The following PPP3R1 variants were observed in gnomAD, a reference collection of about 807,000 sequenced individuals.
PPP3R1 encodes the protein calcineurin subunit B type 1.
Under a neutral mutation model 22.6 loss-of-function variants are expected in PPP3R1, and 5 were observed. That is an observed-to-expected ratio of 0.22 (90% CI 0.12 to 0.46). PPP3R1 has a LOEUF of 0.46. Ranked by LOEUF, PPP3R1 falls within the 20% of genes least tolerant of loss-of-function variation. The pLI is 0.99. For synonymous variants in PPP3R1, 56 were observed against 65.2 expected (o/e 0.86, Z 0.68); for missense variants, 61 against 203.2 (o/e 0.30, Z 4.25).
chr2:68,188,084 T>G (rs1041122640), intron 3 of PPP3R1, among the ~76,000 whole-genome samples: 1 of 152,092 alleles, frequency 6.6e-6, no homozygotes, highest in Non-Finnish European at 1.5e-5. Context: ...ACAGGAGAAT[T>G]GCTTGAACTC....
intron 2 of PPP3R1, among the ~76,000 whole-genome samples, chr2:68,216,136 T>C (rs1386332350): frequency 6.6e-6 from 1 of 152,036 alleles, no homozygotes; most frequent in Non-Finnish European, 1.5e-5. Flanking sequence ...CATTAACGGG[T>C]ACCATCAAAT....
chr2:68,184,447 C>T (rs1291953711), intron 5 of PPP3R1, among the ~76,000 whole-genome samples: 1 of 152,120 alleles, frequency 6.6e-6, no homozygotes, highest in Non-Finnish European at 1.5e-5. Context: ...GAGTACATAA[C>T]CCTTTCTAAT....
At chr2:68,192,330 G>A (rs1297424085) in intron 2 of PPP3R1, among the ~76,000 whole-genome samples, 1 of 152,130 alleles carries the variant, frequency 6.6e-6, no homozygotes, top group Non-Finnish European at 1.5e-5. Context: ...TCACAAAGGT[G>A]ATCTATTGTG....
intron 1 of PPP3R1, among the ~76,000 whole-genome samples, chr2:68,222,744 TATA>T (rs1372924461): frequency 6.6e-6 from 1 of 152,164 alleles, no homozygotes; most frequent in Non-Finnish European, 1.5e-5. Context: ...GGCAATATCA[TATA>T]ATAAATCTCT....
At chr2:68,216,247 A>G (rs1280350897) in intron 2 of PPP3R1, among the ~76,000 whole-genome samples, 1 of 152,134 alleles carries the variant, frequency 6.6e-6, no homozygotes, top group African/African-American at 2.4e-5. Flanking sequence ...ATTAATTCTA[A>G]ATTAACATCC....
chr2:68,191,882 C>A (rs187027143), intron 2 of PPP3R1, among the ~76,000 whole-genome samples: 18 of 152,222 alleles, frequency 1.2e-4, no homozygotes, highest in Middle Eastern at 3.4e-3. Flanking sequence ...TAAAATGACA[C>A]ACCCTTACTC....
At chr2:68,219,619 GC>G (rs1417408712) in intron 1 of PPP3R1, among the ~76,000 whole-genome samples, 1 of 152,092 alleles carries the variant, frequency 6.6e-6, no homozygotes, top group Non-Finnish European at 1.5e-5. Flanking sequence ...GGAAAAAATA[GC>G]ATTTCTGAAG....
At chr2:68,211,350 T>C (rs899544075) in intron 2 of PPP3R1, among the ~76,000 whole-genome samples, 1 of 130,708 alleles carries the variant, frequency 7.7e-6, no homozygotes, top group Non-Finnish European at 1.5e-5. Context: ...GAGCTTGCAG[T>C]GAGCCAAGAT....
intron 1 of PPP3R1, among the ~76,000 whole-genome samples, chr2:68,236,586 A>G (rs530737985): frequency 1.8e-4 from 28 of 152,188 alleles, no homozygotes; most frequent in Admixed American, 4.6e-4. Context: ...ATGAGGGGAT[A>G]GCTATGTACT....
At chr2:68,200,718 A>G (rs972999884) in intron 2 of PPP3R1, among the ~76,000 whole-genome samples, 4 of 152,150 alleles carry the variant, frequency 2.6e-5, no homozygotes, top group Non-Finnish European at 5.9e-5. Flanking sequence ...CATCATTTCT[A>G]TTCCCCCAAC....
At chr2:68,204,337 T>TATATATATATATTCAG (rs1675063073) in intron 2 of PPP3R1, among the ~76,000 whole-genome samples, 1 of 39,624 alleles carries the variant, frequency 2.5e-5, no homozygotes, top group Non-Finnish European at 4.4e-5. Flanking sequence ...ACACACACAC[T>TATATATATATATTCAG]ATATATATAT....
At position 68,196,297 on chromosome 2, in the gene PPP3R1, C is replaced by A. The variant is rs139268719; in HGVS notation, c.44-7607G>T. On this transcript the variant is annotated intron_variant, in intron 2 of 5. Transcript: ENST00000234310. ...TAAATGGCTGTATTTTCATGTGACC[C>A]CAATGAGAAGTAAAATCCACCAGGG... is the stretch of plus-strand genomic sequence containing the variant. Among the ~76,000 whole-genome samples the A allele has an allele frequency of 2.8e-3, 416 of 149,242 alleles. 2 individuals are homozygous for A. Among genetic ancestry groups the A allele is most frequent in the African/African-American group, 6.5e-3 (262 of 40,224 alleles).
chr2:68,211,337 G>A (rs1049131360), intron 2 of PPP3R1, among the ~76,000 whole-genome samples: 9 of 143,012 alleles, frequency 6.3e-5, no homozygotes, highest in Non-Finnish European at 1.2e-4. Flanking sequence ...AACCTGGGAG[G>A]CGGAGCTTGC....
intron 1 of PPP3R1, among the ~76,000 whole-genome samples, chr2:68,241,401 T>C (rs746827735): frequency 6.3e-4 from 96 of 152,332 alleles, no homozygotes; most frequent in Middle Eastern, 6.8e-3. Flanking sequence ...ATTTAAGGTG[T>C]TGTTATTCCC....
At chr2:68,241,379 G>A (rs1027265957) in intron 1 of PPP3R1, among the ~76,000 whole-genome samples, 5 of 152,118 alleles carry the variant, frequency 3.3e-5, no homozygotes, top group African/African-American at 1.2e-4. Flanking sequence ...AAGGCCAACT[G>A]TATATGTCAC....
At chr2:68,212,558 CTA>C (rs1471173319) in intron 2 of PPP3R1, among the ~76,000 whole-genome samples, 1 of 152,228 alleles carries the variant, frequency 6.6e-6, no homozygotes, top group African/African-American at 2.4e-5. Context: ...ACGTTACTCT[CTA>C]TGTACATTTC....
intron 2 of PPP3R1, among the ~76,000 whole-genome samples, chr2:68,202,614 G>A (rs556808167): frequency 2.0e-5 from 3 of 150,126 alleles, no homozygotes; most frequent in African/African-American, 7.4e-5. Flanking sequence ...TAGTAGAGAC[G>A]AGGTTTCACC....
intron 2 of PPP3R1, among the ~76,000 whole-genome samples, chr2:68,201,409 C>CT (rs1229057914): frequency 2.6e-5 from 4 of 152,078 alleles, no homozygotes; most frequent in African/African-American, 7.2e-5. Context: ...CCCCCAGTTT[C>CT]TTTTTTTTCT....
chr2:68,193,631 C>T (rs1249853232), intron 2 of PPP3R1, among the ~76,000 whole-genome samples: 1 of 152,136 alleles, frequency 6.6e-6, no homozygotes, highest in Non-Finnish European at 1.5e-5. Flanking sequence ...TTGGTCATTA[C>T]TGGCACCTGA....
Sources: gnomAD v4.1 joint callset for allele counts (sites outside exome capture counted in the v4.1 genomes callset) on GRCh38, gnomAD v4.1.1 for gene constraint, MANE v1.5 for transcripts, NCBI Gene and HGNC (gene_info 2026-07-23, HGNC 2026-07-21) for gene names.